The following STPG4 variants were observed in gnomAD, a reference collection of about 807,000 sequenced individuals.
The protein encoded by STPG4 is protein STPG4.
STPG4 carries 41 observed loss-of-function variants against 31.5 expected under a neutral mutation model. The ratio of observed to expected loss-of-function variants is 1.30; its 90% CI spans 1.01 to 1.69. STPG4 has a LOEUF of 1.69. Ranked by LOEUF, STPG4 falls within the 40% of genes most tolerant of loss-of-function variation. STPG4 has a pLI of 0.00. For missense variants in STPG4, 375 were observed against 293.4 expected (o/e 1.28, Z -2.03); for synonymous variants, 141 against 103.0 (o/e 1.37, Z -2.24).
At chr2:47,109,105 C>T (rs1685983930) in intron 5 of STPG4, among the ~76,000 whole-genome samples, 1 of 152,242 alleles carries the variant, frequency 6.6e-6, no homozygotes, top group African/African-American at 2.4e-5. Context: ...ATTCACTCTT[C>T]TGTTTCCAGT....
chr2:47,099,925 C>A (rs1247034644), intron 5 of STPG4, among the ~76,000 whole-genome samples: 1 of 152,138 alleles, frequency 6.6e-6, no homozygotes, highest in Non-Finnish European at 1.5e-5. Flanking sequence ...GCCAGCCCAC[C>A]AGTGCTGTGC....
intron 5 of STPG4, among the ~76,000 whole-genome samples, chr2:47,105,014 C>A (rs1287977392): frequency 6.6e-6 from 1 of 151,854 alleles, no homozygotes; most frequent in Non-Finnish European, 1.5e-5. Context: ...ATAGCCAGAC[C>A]CCTCTATACT....
chr2:47,088,686 A>C (rs1685509002), intron 6 of STPG4, among the ~76,000 whole-genome samples: 1 of 152,192 alleles, frequency 6.6e-6, no homozygotes, highest in Non-Finnish European at 1.5e-5. Context: ...TCTCTTCAGG[A>C]AACAGCAAGA....
rs34243941 is a variant in STPG4, at chr2:47,134,148, C to T, written c.400-3888G>A. 5.9e-5 allele frequency among the ~76,000 whole-genome samples: 9 copies of T among 152,108 alleles called. No homozygotes were observed. The East Asian group carries it at 1.5e-3, about 26-fold the overall frequency. ...CATATACTCTTTGCTCCCACACATGCGTAACCTCCATTATCATCATGCCAC... is the reference window on the plus strand; with the variant it reads ...CATATACTCTTTGCTCCCACACATGTGTAACCTCCATTATCATCATGCCAC... On this transcript the variant is annotated intron_variant, in intron 3 of 6. Coordinates refer to ENST00000445927, the MANE Select transcript of STPG4 (RefSeq NM_001163561.2).
chr2:47,143,480 C>G (rs1459292132), intron 3 of STPG4, among the ~76,000 whole-genome samples: 1 of 151,232 alleles, frequency 6.6e-6, no homozygotes, highest in Non-Finnish European at 1.5e-5. Flanking sequence ...AGCTCATGCC[C>G]TTTGCTCATT....
chr2:47,110,566 C>G (rs1020685125), intron 5 of STPG4, among the ~76,000 whole-genome samples: 1 of 152,212 alleles, frequency 6.6e-6, no homozygotes, highest in Non-Finnish European at 1.5e-5. Context: ...TGCACTCCAG[C>G]CTGGGCGACA....
At chr2:47,098,270 T>C (rs1221928160) in intron 5 of STPG4, among the ~76,000 whole-genome samples, 1 of 152,180 alleles carries the variant, frequency 6.6e-6, no homozygotes, top group Non-Finnish European at 1.5e-5. Context: ...AGAGCCAGAG[T>C]GCTGCCCCTC....
chr2:47,088,023 G>A (rs894699792), intron 6 of STPG4, among the ~76,000 whole-genome samples: 1 of 152,066 alleles, frequency 6.6e-6, no homozygotes, highest in Non-Finnish European at 1.5e-5. Context: ...GAAGTGTTGG[G>A]ATTACAGGTG....
At chr2:47,102,571 C>T (rs1685822751) in intron 5 of STPG4, among the ~76,000 whole-genome samples, 1 of 151,812 alleles carries the variant, frequency 6.6e-6, no homozygotes, top group Non-Finnish European at 1.5e-5. Context: ...AGAGAATACA[C>T]AACTATGCAA....
chr2:47,150,517 TA>T (rs929123236), intron 3 of STPG4, among the ~76,000 whole-genome samples: 17 of 151,566 alleles, frequency 1.1e-4, no homozygotes, highest in Admixed American at 2.6e-4. Flanking sequence ...TTTTTTTAAT[TA>T]AAAAAAATAT....
At position 47,120,532 on chromosome 2, in the gene STPG4, A is replaced by G. The variant is rs376838581; in HGVS notation, c.519+9409T>C. Among the ~76,000 whole-genome samples, 20 of 151,406 alleles carry G rather than the reference A, an allele frequency of 1.3e-4. No individual in the cohort carries two copies. In the South Asian group the frequency reaches 4.0e-3, roughly 30 times the overall value. ...CAGTGAGCTGAGATCACGCCACTGC[A>G]CTCCAGCCTGGGCGAAAGAGCAAGA... On this transcript the variant is annotated intron_variant, in intron 5 of 6. Transcript: ENST00000445927.
intron 5 of STPG4, chr2:47,128,869 C>G (rs1001662297): frequency 6.6e-6 from 1 of 152,278 alleles, no homozygotes; most frequent in African/African-American, 2.4e-5. Flanking sequence ...CTCTCTGTGA[C>G]CACTGTAGCT....
chr2:47,109,439 C>T (rs1685992557), intron 5 of STPG4, among the ~76,000 whole-genome samples: 1 of 151,958 alleles, frequency 6.6e-6, no homozygotes, highest in Admixed American at 6.6e-5. Flanking sequence ...CGCCTGTAAT[C>T]CCAGCTACTG....
At chr2:47,097,894 G>T (rs548086618) in intron 5 of STPG4, among the ~76,000 whole-genome samples, 1 of 149,884 alleles carries the variant, frequency 6.7e-6, no homozygotes, top group African/African-American at 2.5e-5. Context: ...CACGTGGGTA[G>T]ATCTCTTGAG....
intron 1 of STPG4, among the ~76,000 whole-genome samples, chr2:47,154,161 A>C (rs1686985604): frequency 6.6e-6 from 1 of 152,252 alleles, no homozygotes. Flanking sequence ...CTTCCTGTCT[A>C]GTAACTTAAA....
At chr2:47,097,046 T>C (rs893315931) in intron 5 of STPG4, among the ~76,000 whole-genome samples, 1 of 151,746 alleles carries the variant, frequency 6.6e-6, no homozygotes, top group East Asian at 1.9e-4. Context: ...AGGACACAGG[T>C]GGACAGGGAG....
At chr2:47,114,252 C>A (rs1194353000) in intron 5 of STPG4, among the ~76,000 whole-genome samples, 2 of 151,958 alleles carry the variant, frequency 1.3e-5, no homozygotes, top group Non-Finnish European at 1.5e-5. Context: ...TACCTGTAAT[C>A]CCAGCACTTT....
At chr2:47,141,886 G>A (rs1053286095) in intron 3 of STPG4, among the ~76,000 whole-genome samples, 4 of 148,406 alleles carry the variant, frequency 2.7e-5, no homozygotes, top group Middle Eastern at 3.2e-3. Flanking sequence ...CTGTACATTC[G>A]GCGGGAGGAT....
chr2:47,117,801 T>C (rs77401473), intron 5 of STPG4, among the ~76,000 whole-genome samples: 3,866 of 152,204 alleles, frequency 0.025, 173 homozygotes, highest in African/African-American at 0.088. Flanking sequence ...CTGGAACAGA[T>C]GAAAGAACTT....
Sources: gnomAD v4.1 joint callset for allele counts (sites outside exome capture counted in the v4.1 genomes callset) on GRCh38, gnomAD v4.1.1 for gene constraint, MANE v1.5 for transcripts, NCBI Gene and HGNC (gene_info 2026-07-23, HGNC 2026-07-21) for gene names.